PCDHGA6: variants seen among roughly 807,000 people sequenced by gnomAD.
PCDHGA6 encodes the protein protocadherin gamma subfamily A, 6, also known as protocadherin gamma-A6.
In PCDHGA6, 41 loss-of-function variants were observed where a neutral mutation model predicts 60.6. The ratio of observed to expected loss-of-function variants is 0.68; its 90% CI spans 0.53 to 0.88. The LOEUF (loss-of-function observed/expected upper bound fraction) is 0.88, where lower values mean the gene tolerates loss of function less well. Among genes scored for constraint, PCDHGA6 ranks in the 40% least tolerant of loss-of-function variants. The pLI is 0.00. For synonymous variants in PCDHGA6, 594 were observed against 524.4 expected, an observed-to-expected ratio of 1.13 and a Z score of -1.81; for missense variants, 1,312 against 1,203.0, an observed-to-expected ratio of 1.09 and a Z score of -1.34.
intron 1 of PCDHGA6, chr5:141,389,866 T>C: frequency 6.2e-7 from 1 of 1,614,082 alleles, no homozygotes; most frequent in South Asian, 1.1e-5. Context: ...TTGCACCTGG[T>C]CTTCGCCGAC....
At chr5:141,439,207 C>A (rs1003519997) in intron 1 of PCDHGA6, among the ~76,000 whole-genome samples, 1 of 149,828 alleles carries the variant, frequency 6.7e-6, no homozygotes, top group Non-Finnish European at 1.5e-5. Context: ...AAAAAAAAAT[C>A]CATATGTGAA....
intron 1 of PCDHGA6, chr5:141,389,769 G>A (rs2091901102): frequency 3.1e-6 from 5 of 1,612,950 alleles, no homozygotes; most frequent in Non-Finnish European, 4.2e-6. Context: ...CACAGCGCGT[G>A]CCTTAGGCGA....
In PCDHGA6 at chr5:141,431,357, C is replaced by G. The variant is rs762220618; in HGVS notation, c.2424+54850C>G. 1.9e-5 allele frequency: 31 copies of G among 1,613,926 alleles called. No homozygotes were observed. Among genetic ancestry groups the G allele is most frequent in the Non-Finnish European group, 2.2e-5 (26 of 1,180,046 alleles). On this transcript the variant is annotated intron_variant, in intron 1 of 3. Coordinates refer to ENST00000517434, the MANE Select transcript of PCDHGA6 (RefSeq NM_018919.3). The surrounding 1 kb of genome is among the most constrained non-coding windows in gnomAD (Gnocchi z 4.8). ...CCCCGAATTGGTGCTGAAACGCGCC[C>G]TGGACCGCGAAGAAAAGGCTGCTCA...
rs1340366910 is a variant in PCDHGA6 at position 141,490,965 on chromosome 5, C to T, written c.2425-3842C>T. The T allele has an allele frequency of 2.5e-6, 4 of 1,613,738 alleles. No homozygotes were observed. The highest frequency in any genetic ancestry group is 2.7e-5 in the African/African-American group (2 of 74,934). On this transcript the variant is annotated intron_variant, in intron 1 of 3. Transcript: ENST00000517434. This position sits in a 1 kb window ranked among gnomAD's most constrained non-coding sequence, Gnocchi z 5.4. Reference sequence around the variant, plus strand: ...CACGGCCAGACTGGGAACACTCAGCCCCCCAGCGTCTCCCTCGCTCTGCTC... The same window carrying T: ...CACGGCCAGACTGGGAACACTCAGCTCCCCAGCGTCTCCCTCGCTCTGCTC...
intron 1 of PCDHGA6, chr5:141,413,089 C>T: frequency 7.1e-7 from 1 of 1,401,124 alleles, no homozygotes; most frequent in Non-Finnish European, 9.7e-7. Context: ...TACAGAGACA[C>T]CCTGAAGCCA....
chr5:141,487,475 C>T lies in PCDHGA6; in HGVS notation c.2425-7332C>T, dbSNP rs781308835. On this transcript the variant is annotated intron_variant, in intron 1 of 3. Coordinates refer to ENST00000517434, the MANE Select transcript of PCDHGA6 (RefSeq NM_018919.3). The surrounding 1 kb of genome is among the most constrained non-coding windows in gnomAD (Gnocchi z 5.0). ...TATCAAGTTTGTTGATGTGGGAGGC[C>T]ACTCTCATGGCTGTACACCCTTGGC... 1.2e-6 allele frequency: 2 copies of T among 1,614,156 alleles called. No homozygotes were observed. Among genetic ancestry groups the T allele is most frequent in the South Asian group, 1.1e-5 (1 of 91,080 alleles).
Position 141,477,464 on chromosome 5 carries a change from A to G in PCDHGA6, c.2425-17343A>G. The G allele has an allele frequency of 1.2e-6, 2 of 1,614,188 alleles. No homozygotes were observed. The highest frequency in any genetic ancestry group is 1.7e-6 in the Non-Finnish European group (2 of 1,180,034). On this transcript the variant is annotated intron_variant, in intron 1 of 3. Coordinates refer to ENST00000517434, the MANE Select transcript of PCDHGA6 (RefSeq NM_018919.3). This position sits in a 1 kb window ranked among gnomAD's most constrained non-coding sequence, Gnocchi z 4.9. ...AATAGTGCGTGTTCAAGTGTCCGAC[A>G]TCAATGACAACCCTCCACAATCTTC...
chr5:141,431,513 C>G lies in PCDHGA6; in HGVS notation c.2424+55006C>G. ...TCAGCCCGAGTACCGCGCGAGCGTT[C>G]CGGAGAATCTGGCCTTGGGCACGCA... On this transcript the variant is annotated intron_variant, in intron 1 of 3. Transcript: ENST00000517434. The surrounding 1 kb of genome is among the most constrained non-coding windows in gnomAD (Gnocchi z 4.8). 6.2e-7 allele frequency: 1 copy of G among 1,614,022 alleles called. No homozygotes were observed. Among genetic ancestry groups the G allele is most frequent in the South Asian group, 1.1e-5 (1 of 91,088 alleles).
In PCDHGA6 at chr5:141,454,796, A is replaced by ATTTTTTTTTTTTTTTTTTTTT. The variant is rs61612330; in HGVS notation, c.2425-40002_2425-39982dup. Reference sequence around the variant, plus strand: ...AAGGAAATAATCCTCCATGGTTCTAATTTTTTTTTTTTTTTTTTTTTTTTT... The same window carrying ATTTTTTTTTTTTTTTTTTTTT: ...AAGGAAATAATCCTCCATGGTTCTAATTTTTTTTTTTTTTTTTTTTTTTTTTTTTTTTTTTTTTTTTTTTTT... On this transcript the variant is annotated intron_variant, in intron 1 of 3. Transcript: ENST00000517434. Among the ~76,000 whole-genome samples, 10 of 77,454 alleles carry ATTTTTTTTTTTTTTTTTTTTT rather than the reference A, an allele frequency of 1.3e-4. 1 individual carries two copies. Among genetic ancestry groups the ATTTTTTTTTTTTTTTTTTTTT allele is most frequent in the Non-Finnish European group, 1.9e-4 (8 of 42,810 alleles). The allele number at this position is 77,454 out of a possible 152,430, so 50.8% of individuals were successfully genotyped here. A position where few individuals can be genotyped will look rare whatever the true frequency, so the allele number is the denominator to read the frequency against.
At chr5:141,500,256 T>C (rs1045685908) in intron 2 of PCDHGA6, among the ~76,000 whole-genome samples, 1 of 151,676 alleles carries the variant, frequency 6.6e-6, no homozygotes, top group Non-Finnish European at 1.5e-5. Flanking sequence ...TCACCCAGGC[T>C]GGACTGCAGT....
At chr5:141,407,124 T>C (rs1409043654) in intron 1 of PCDHGA6, among the ~76,000 whole-genome samples, 1 of 152,242 alleles carries the variant, frequency 6.6e-6, no homozygotes, top group Non-Finnish European at 1.5e-5. Flanking sequence ...TTTCAGTTGC[T>C]TTATTTTTAA....
chr5:141,478,142 G>T (rs774271595), intron 1 of PCDHGA6: 8 of 1,613,988 alleles, frequency 5.0e-6, no homozygotes, highest in Non-Finnish European at 6.8e-6. Flanking sequence ...AGCCCGAGCC[G>T]AGTTCCCCTC....
chr5:141,446,532 A>G (rs1443843436), intron 1 of PCDHGA6, among the ~76,000 whole-genome samples: 1 of 151,788 alleles, frequency 6.6e-6, no homozygotes, highest in Non-Finnish European at 1.5e-5. Flanking sequence ...GCTGGAGTGC[A>G]GTGGCCCTAT....
intron 1 of PCDHGA6, among the ~76,000 whole-genome samples, chr5:141,492,781 T>C (rs945023154): frequency 9.9e-5 from 15 of 152,194 alleles, no homozygotes; most frequent in African/African-American, 3.6e-4. Flanking sequence ...TGAGTGAGCC[T>C]CTATAGGACA....
At chr5:141,429,169 T>TACATACACACACACACAC (rs369570830) in intron 1 of PCDHGA6, 115 of 145,474 alleles carry the variant, frequency 7.9e-4, no homozygotes, top group African/African-American at 2.1e-3. Flanking sequence ...ACATTGTTTA[T>TACATACACACACACACAC]ACACACACAC....
chr5:141,395,241 A>T (rs1398967812), intron 1 of PCDHGA6: 1 of 1,571,196 alleles, frequency 6.4e-7, no homozygotes, highest in East Asian at 2.3e-5. Context: ...TGGTCAGGTG[A>T]GTTTAGTTCT....
Position 141,399,846 on chromosome 5 carries a change from G to T in PCDHGA6, c.2424+23339G>T, listed in dbSNP as rs377634920. 19 of 1,612,980 alleles carry T rather than the reference G, an allele frequency of 1.2e-5. No homozygotes were observed. The highest frequency in any genetic ancestry group is 5.3e-5 in the African/African-American group (4 of 75,050). On this transcript the variant is annotated intron_variant, in intron 1 of 3. Transcript: ENST00000517434. ...CCGACGGCTCTGCGCTCTTCGATAT[G>T]GTGCCGCGCGCTGCAGAGCCCGGCT...
chr5:141,374,029 A>T lies in PCDHGA6; in HGVS notation c.-55A>T, dbSNP rs1460112886. ...GCTATTTCTGAGAAGAGCAAAAGTG[A>T]TGCAGATCTGTTCTTCCTCTTCTTA... On this transcript the variant is annotated 5_prime_UTR_variant, in exon 1 of 4. The change abolishes an upstream ATG in the 5' untranslated region. Transcript: ENST00000517434. The T allele has an allele frequency of 7.0e-7, 1 of 1,428,780 alleles. No individual in the cohort carries two copies. The highest frequency in any genetic ancestry group is 9.2e-7 in the Non-Finnish European group (1 of 1,085,028). The allele number at this position is 1,428,780 out of a possible 1,614,324, so 88.5% of individuals were successfully genotyped here.
chr5:141,423,516 C>T (rs2096749721), intron 1 of PCDHGA6: 1 of 1,613,732 alleles, frequency 6.2e-7, no homozygotes, highest in Non-Finnish European at 8.5e-7. Flanking sequence ...TCATTGCGGA[C>T]TCGCAGAAGA....
Sources: gnomAD v4.1 joint callset for allele counts (sites outside exome capture counted in the v4.1 genomes callset) on GRCh38, gnomAD v4.1.1 for gene constraint, Gnocchi (gnomAD v3.1) non-coding constraint, MANE v1.5 for transcripts, NCBI Gene and HGNC (gene_info 2026-07-23, HGNC 2026-07-21) for gene names.